The following ITPR2 variants were observed in gnomAD, a reference collection of about 807,000 sequenced individuals.
The protein encoded by ITPR2 is inositol 1,4,5-trisphosphate receptor type 2.
Under a neutral mutation model 317.1 loss-of-function variants are expected in ITPR2, and 207 were observed. That is an observed-to-expected ratio of 0.65 (90% CI 0.58 to 0.73). ITPR2 has a LOEUF of 0.73. ITPR2 is among the 30% of genes least tolerant of loss of function. The pLI is 0.00. For missense variants in ITPR2, 2,613 were observed against 3,284.0 expected (o/e 0.80, Z 4.99); for synonymous variants, 1,156 against 1,149.1 (o/e 1.01, Z -0.12).
chr12:26,514,542 T>C (rs571958483), intron 37 of ITPR2, among the ~76,000 whole-genome samples: 5 of 152,346 alleles, frequency 3.3e-5, no homozygotes, highest in Middle Eastern at 3.4e-3. Flanking sequence ...TTTCCAACTC[T>C]GTCTGGAAAT....
rs75670802 is a variant in ITPR2, at chr12:26,470,467, T to G, written c.6342+4829A>C. Among the ~76,000 whole-genome samples, 493 of 152,314 alleles carry G rather than the reference T, an allele frequency of 3.2e-3. 4 individuals carry two copies. The highest frequency in any genetic ancestry group is 0.011 in the African/African-American group (476 of 41,566). ...AAGAGTTATTATCCCTAATTAAACT[T>G]CATTAAAATGAACCTTATAAAATAA... On this transcript the variant is annotated intron_variant, in intron 45 of 56. Coordinates refer to ENST00000381340, the MANE Select transcript of ITPR2 (RefSeq NM_002223.4).
chr12:26,439,108 T>C lies in ITPR2; in HGVS notation c.6643+19A>G, dbSNP rs770811639. The C allele has an allele frequency of 1.3e-6, 2 of 1,516,524 alleles. No homozygotes were observed. The highest frequency in any genetic ancestry group is 1.4e-5 in the African/African-American group (1 of 72,786). 93.9% of individuals were successfully genotyped at this position (1,516,524 alleles called of 1,614,324 possible). The stretch of plus-strand genomic sequence containing the variant: ...TACCACTATGCACAAAACTAACCAT[T>C]TCAGTTTACTGTACTTACTCCTGAT... On this transcript the variant is annotated intron_variant, in intron 47 of 56. Coordinates refer to ENST00000381340, the MANE Select transcript of ITPR2 (RefSeq NM_002223.4).
At chr12:26,593,954 T>C (rs1218073785) in intron 32 of ITPR2, among the ~76,000 whole-genome samples, 3 of 152,236 alleles carry the variant, frequency 2.0e-5, no homozygotes, top group East Asian at 1.9e-4. Flanking sequence ...TCAGTAGCAC[T>C]GTGCAACTCC....
chr12:26,552,824 C>T (rs1002502940), intron 36 of ITPR2, among the ~76,000 whole-genome samples: 2 of 151,876 alleles, frequency 1.3e-5, no homozygotes, highest in Admixed American at 6.6e-5. Context: ...TTTTGTTTTT[C>T]GCTCTCTCAG....
intron 45 of ITPR2, among the ~76,000 whole-genome samples, chr12:26,448,849 T>A (rs990874350): frequency 6.6e-6 from 1 of 152,150 alleles, no homozygotes; most frequent in South Asian, 2.1e-4. Flanking sequence ...TCATAAAATA[T>A]AGACAGCACA....
At chr12:26,777,503 C>G (rs1340497778) in intron 2 of ITPR2, among the ~76,000 whole-genome samples, 7 of 152,174 alleles carry the variant, frequency 4.6e-5, no homozygotes, top group African/African-American at 1.7e-4. Flanking sequence ...CTGTCAGAGG[C>G]ACGGTGGGTG....
intron 32 of ITPR2, among the ~76,000 whole-genome samples, chr12:26,592,317 C>A (rs1278405649): frequency 6.6e-6 from 1 of 152,112 alleles, no homozygotes; most frequent in African/African-American, 2.4e-5. Context: ...CAGTTGAAAA[C>A]AATGAATAAA....
intron 2 of ITPR2, among the ~76,000 whole-genome samples, chr12:26,726,436 T>C (rs543663011): frequency 6.6e-6 from 1 of 152,296 alleles, no homozygotes; most frequent in Non-Finnish European, 1.5e-5. Flanking sequence ...ATGAGGAGAA[T>C]GGAAGAACTC....
chr12:26,553,695 T>C (rs1223180984), intron 36 of ITPR2, among the ~76,000 whole-genome samples: 2 of 151,626 alleles, frequency 1.3e-5, no homozygotes, highest in African/African-American at 2.4e-5. Flanking sequence ...TGAGGCAGGA[T>C]AATGGCGTGA....
intron 48 of ITPR2, among the ~76,000 whole-genome samples, chr12:26,432,258 G>C (rs1022826128): frequency 5.9e-5 from 9 of 152,040 alleles, no homozygotes; most frequent in Non-Finnish European, 1.2e-4. Context: ...TTGGATAGTT[G>C]CTCAGTCTTT....
At chr12:26,682,113 T>C in intron 12 of ITPR2, 79 bp from the exon 13 acceptor site, 1 of 1,155,186 alleles carries the variant, frequency 8.7e-7, no homozygotes, top group Non-Finnish European at 1.3e-6. Flanking sequence ...CTAGTACTGT[T>C]TAAGAAATAT....
chr12:26,578,245 A>G (rs898719619), intron 34 of ITPR2, among the ~76,000 whole-genome samples: 1 of 151,302 alleles, frequency 6.6e-6, no homozygotes, highest in Non-Finnish European at 1.5e-5. Context: ...CTCTTCTAGA[A>G]TCTACTCACC....
chr12:26,414,498 G>C (rs1045170047), intron 51 of ITPR2, among the ~76,000 whole-genome samples: 3 of 152,056 alleles, frequency 2.0e-5, no homozygotes, highest in African/African-American at 7.2e-5. Context: ...GAATCACCCA[G>C]AGAAACCATT....
At chr12:26,504,918 A>T (rs930512054) in intron 37 of ITPR2, among the ~76,000 whole-genome samples, 7 of 152,200 alleles carry the variant, frequency 4.6e-5, no homozygotes, top group African/African-American at 1.7e-4. Context: ...ACCGTAACAC[A>T]CAACTACTTT....
At chr12:26,789,727 A>G (rs1950311837) in intron 2 of ITPR2, among the ~76,000 whole-genome samples, 1 of 152,236 alleles carries the variant, frequency 6.6e-6, no homozygotes, top group Non-Finnish European at 1.5e-5. Context: ...GTTATTACAC[A>G]CCATAAAATT....
At chr12:26,697,184 G>A (rs1250815617) in intron 9 of ITPR2, among the ~76,000 whole-genome samples, 1 of 152,186 alleles carries the variant, frequency 6.6e-6, no homozygotes, top group Non-Finnish European at 1.5e-5. Context: ...CAGCCCTGCA[G>A]CTGAACATTT....
chr12:26,807,423 C>T (rs1439151466), intron 1 of ITPR2, among the ~76,000 whole-genome samples: 1 of 152,098 alleles, frequency 6.6e-6, no homozygotes, highest in East Asian at 1.9e-4. Flanking sequence ...ACTTATGAAC[C>T]CAGCCAAGCA....
chr12:26,553,987 CACA>C (rs1372914260), intron 36 of ITPR2, among the ~76,000 whole-genome samples: 1 of 152,148 alleles, frequency 6.6e-6, no homozygotes. Context: ...CTCATGTAAA[CACA>C]ACATCATTTT....
intron 2 of ITPR2, among the ~76,000 whole-genome samples, chr12:26,754,007 A>G (rs1427752005): frequency 1.3e-5 from 2 of 152,104 alleles, no homozygotes; most frequent in Non-Finnish European, 2.9e-5. Context: ...CTGTGTATTT[A>G]TATGTATTGT....
Sources: gnomAD v4.1 joint callset for allele counts (sites outside exome capture counted in the v4.1 genomes callset) on GRCh38, gnomAD v4.1.1 for gene constraint, MANE v1.5 for transcripts, NCBI Gene and HGNC (gene_info 2026-07-23, HGNC 2026-07-21) for gene names.